The following ZCCHC4 variants were observed in gnomAD, a reference collection of about 807,000 sequenced individuals.
ZCCHC4 encodes the protein zinc finger CCHC-type containing 4, also known as rRNA N(6)-adenosine-methyltransferase ZCCHC4.
A neutral mutation model predicts 67.7 loss-of-function variants in ZCCHC4; 54 were observed. The observed-to-expected ratio is 0.80, with a 90% CI of 0.64 to 1.00. The LOEUF is 1.00. Among genes scored for constraint, ZCCHC4 ranks in the 50% least tolerant of loss-of-function variants. The pLI, the probability that ZCCHC4 is intolerant of heterozygous loss-of-function variation, is 0.00. For missense variants in ZCCHC4, 609 were observed against 617.0 expected (o/e 0.99, Z 0.14); for synonymous variants, 198 against 213.5 (o/e 0.93, Z 0.63).
chr4:25,347,438 C>G (rs78075670), intron 6 of ZCCHC4, among the ~76,000 whole-genome samples: 473 of 152,174 alleles, frequency 3.1e-3, no homozygotes, highest in African/African-American at 0.01. Flanking sequence ...CTTTATCTTC[C>G]CTGAAGAAAA....
intron 3 of ZCCHC4, among the ~76,000 whole-genome samples, chr4:25,322,612 G>C (rs886325361): frequency 2.0e-5 from 3 of 151,980 alleles, no homozygotes; most frequent in African/African-American, 7.2e-5. Flanking sequence ...TTGCCTCCCA[G>C]GTTCAAGAGA....
chr4:25,366,790 T>C (rs1393096461), intron 12 of ZCCHC4, among the ~76,000 whole-genome samples: 1 of 152,230 alleles, frequency 6.6e-6, no homozygotes, highest in Non-Finnish European at 1.5e-5. Context: ...TGCATTTTGA[T>C]ACTCTATTGT....
At chr4:25,324,018 T>TTTTTTTTTTTTTTG (rs1718729175) in intron 3 of ZCCHC4, among the ~76,000 whole-genome samples, 1 of 123,252 alleles carries the variant, frequency 8.1e-6, no homozygotes, top group Admixed American at 8.3e-5. Context: ...TTTTGTGTTT[T>TTTTTTTTTTTTTTG]TTTTTTTTTT....
chr4:25,333,123 CATT>C, intron 3 of ZCCHC4, 57 bp from the exon 4 acceptor site: 1 of 1,532,058 alleles, frequency 6.5e-7, no homozygotes, highest in Non-Finnish European at 8.8e-7. Flanking sequence ...TAGCAAAACA[CATT>C]GTGTTTACAA....
chr4:25,315,899 G>A (rs1380469888), intron 3 of ZCCHC4, among the ~76,000 whole-genome samples: 1 of 151,966 alleles, frequency 6.6e-6, no homozygotes, highest in Non-Finnish European at 1.5e-5. Context: ...ATTTTTTATA[G>A]AGATAAGGTC....
rs776318538 is a variant in ZCCHC4 at position 25,349,525 on chromosome 4, G to T, written c.793G>T (p.Glu265Ter). The T allele has an allele frequency of 6.2e-7, 1 of 1,613,936 alleles. No individual in the cohort carries two copies. The highest frequency in any genetic ancestry group is 2.2e-5 in the East Asian group (1 of 44,866). Residue 265 changes from glutamate to a stop codon, truncating the protein, a stop_gained, in exon 7 of 13, where the codon GAA becomes TAA. Coordinates refer to ENST00000302874, the MANE Select transcript of ZCCHC4 (RefSeq NM_024936.3). LOFTEE classifies it high-confidence loss of function. ...ALEVCRAFLQEDKGEGIIMVT... is the reference protein window; with the variant it reads ...ALEVCRAFLQ ...TGAAGTATGCAGAGCATTTTTACAG[G>T]AAGATAAAGGCGAAGGAATCATTAT...
At chr4:25,360,371 A>T (rs1165318091) in intron 8 of ZCCHC4, among the ~76,000 whole-genome samples, 2 of 152,154 alleles carry the variant, frequency 1.3e-5, no homozygotes, top group Non-Finnish European at 2.9e-5. Flanking sequence ...GTGACTACAG[A>T]TAGTTTTGGC....
chr4:25,327,638 C>T (rs1317593014), intron 3 of ZCCHC4, among the ~76,000 whole-genome samples: 7 of 152,074 alleles, frequency 4.6e-5, no homozygotes, highest in Non-Finnish European at 8.8e-5. Context: ...TACTACCACA[C>T]CCAGCTAATT....
At chr4:25,362,571 G>T (rs986568202) in intron 10 of ZCCHC4, among the ~76,000 whole-genome samples, 8 of 152,180 alleles carry the variant, frequency 5.3e-5, no homozygotes, top group African/African-American at 1.9e-4. Flanking sequence ...GGCATTAAAT[G>T]AATGCTCAAT....
At chr4:25,323,662 C>T (rs1158592844) in intron 3 of ZCCHC4, among the ~76,000 whole-genome samples, 1 of 152,148 alleles carries the variant, frequency 6.6e-6, no homozygotes, top group Admixed American at 6.5e-5. Flanking sequence ...CCTGGGCAAC[C>T]AGGGATGTGT....
chr4:25,345,852 G>C (rs562166032), intron 6 of ZCCHC4, among the ~76,000 whole-genome samples: 7 of 152,134 alleles, frequency 4.6e-5, no homozygotes, highest in Non-Finnish European at 1.0e-4. Context: ...TTCTTAGAAG[G>C]CCCGTGGGGC....
intron 5 of ZCCHC4, among the ~76,000 whole-genome samples, chr4:25,337,843 G>A (rs539775873): frequency 6.6e-6 from 1 of 152,212 alleles, no homozygotes; most frequent in Admixed American, 6.5e-5. Context: ...TTAAAGACAA[G>A]CTTTTTCAAG....
chr4:25,334,388 T>C lies in ZCCHC4; in HGVS notation c.686+400T>C, dbSNP rs1167383322. Reference sequence around the variant, plus strand: ...AGTGTGAGAACTCAGACATTTCTTTTAGTATATTTTACTGGATGTTGTACA... The same window carrying C: ...AGTGTGAGAACTCAGACATTTCTTTCAGTATATTTTACTGGATGTTGTACA... On this transcript the variant is annotated intron_variant, in intron 5 of 12. Transcript: ENST00000302874. Among the ~76,000 whole-genome samples the C allele has an allele frequency of 2.0e-5, 3 of 152,374 alleles. No homozygotes were observed. The East Asian group carries it at 5.8e-4, about 29-fold the overall frequency.
intron 5 of ZCCHC4, among the ~76,000 whole-genome samples, chr4:25,342,252 G>C (rs1429128028): frequency 6.6e-6 from 1 of 152,106 alleles, no homozygotes; most frequent in Non-Finnish European, 1.5e-5. Flanking sequence ...TTCTCATAAA[G>C]ACCACAGTTA....
intron 3 of ZCCHC4, among the ~76,000 whole-genome samples, chr4:25,326,017 T>A (rs1718861706): frequency 6.6e-6 from 1 of 152,262 alleles, no homozygotes; most frequent in African/African-American, 2.4e-5. Flanking sequence ...CTGTTGCTGC[T>A]GGAGCAACTT....
At chr4:25,316,186 C>G (rs1204234715) in intron 3 of ZCCHC4, among the ~76,000 whole-genome samples, 2 of 152,142 alleles carry the variant, frequency 1.3e-5, no homozygotes, top group Admixed American at 6.5e-5. Flanking sequence ...GAATAATATC[C>G]GTTGTCTGTC....
intron 3 of ZCCHC4, among the ~76,000 whole-genome samples, chr4:25,329,544 T>G (rs1415827495): frequency 2.7e-5 from 4 of 149,920 alleles, no homozygotes; most frequent in South Asian, 4.2e-4. Flanking sequence ...TTTTTTTTTT[T>G]TTTTGTTTTG....
rs1461960781 is a variant in ZCCHC4, at chr4:25,351,698, C to T, written c.1011+9C>T. On this transcript the variant is annotated intron_variant, in intron 8 of 12. Transcript: ENST00000302874. ...AGATGCTGGATTACCAGGTAGAGTA[C>T]ATATTCTGTTTTCTGGCATGGTTGG... 6.3e-7 allele frequency: 1 copy of T among 1,589,384 alleles called. No individual in the cohort carries two copies. The highest frequency in any genetic ancestry group is 1.1e-5 in the South Asian group (1 of 87,940).
intron 1 of ZCCHC4, among the ~76,000 whole-genome samples, chr4:25,313,613 C>T (rs1423920354): frequency 6.6e-6 from 1 of 152,188 alleles, no homozygotes; most frequent in Non-Finnish European, 1.5e-5. Context: ...TGGTGGCGTG[C>T]ACCTGTAGTT....
Sources: allele counts gnomAD v4.1 joint callset (sites outside exome capture counted in the v4.1 genomes callset), GRCh38; gene constraint gnomAD v4.1.1; transcripts MANE v1.5; gene names NCBI Gene and HGNC (gene_info 2026-07-23, HGNC 2026-07-21).